ANGPT2: variants seen among roughly 807,000 people sequenced by gnomAD.
ANGPT2 encodes angiopoietin 2, also known as angiopoietin-2.
A neutral mutation model predicts 62.9 loss-of-function variants in ANGPT2; 28 were observed. The observed-to-expected ratio is 0.44, with a 90% confidence interval of 0.33 to 0.61. The LOEUF is 0.61. Ranked by LOEUF, ANGPT2 falls within the 20% of genes least tolerant of loss-of-function variation. The pLI is 0.03. For missense variants in ANGPT2, 727 were observed against 594.9 expected, an observed-to-expected ratio of 1.22 and a Z score of -2.31; for synonymous variants, 284 against 207.8, an observed-to-expected ratio of 1.37 and a Z score of -3.15.
At chr8:6,541,806 C>T (rs1821628106) in intron 1 of ANGPT2, among the ~76,000 whole-genome samples, 1 of 152,078 alleles carries the variant, frequency 6.6e-6, no homozygotes, top group African/African-American at 2.4e-5. Flanking sequence ...CAGTTCAAGA[C>T]CAGCCTAGGC....
chr8:6,561,205 C>A (rs1372670643), intron 1 of ANGPT2, among the ~76,000 whole-genome samples: 1 of 152,178 alleles, frequency 6.6e-6, no homozygotes. Context: ...CCACAGTGAC[C>A]TGGGAAAGGA....
chr8:6,556,071 G>A (rs576260385), intron 1 of ANGPT2, among the ~76,000 whole-genome samples: 2 of 152,234 alleles, frequency 1.3e-5, no homozygotes, highest in East Asian at 1.9e-4. Flanking sequence ...TCTCAAGATC[G>A]ATGTCCCAGT....
chr8:6,506,635 G>A (rs781594757), intron 8 of ANGPT2, among the ~76,000 whole-genome samples: 1 of 152,120 alleles, frequency 6.6e-6, no homozygotes, highest in African/African-American at 2.4e-5. Context: ...CTTTAAAAAG[G>A]ATGATTGTGC....
chr8:6,513,754 G>T lies in ANGPT2; in HGVS notation c.1120C>A (p.Leu374Ile). 1 of 1,613,926 alleles carries T rather than the reference G, an allele frequency of 6.2e-7. No homozygotes were observed. Among genetic ancestry groups the T allele is most frequent in the Non-Finnish European group, 8.5e-7 (1 of 1,179,922 alleles). Residue 374 changes from leucine to isoleucine, a missense_variant, in exon 7 of 9, where the codon CTT becomes ATT. Coordinates refer to ENST00000629816, the MANE Select transcript of ANGPT2 (RefSeq NM_001118887.2). ...NQQRYVLKIH[L>I]KDWEGNEAYS... is the part of the protein sequence containing the mutation. ...GCCTCATTCCCTTCCCAGTCTTTAAGGTGTATTTTAAGCACATAGCGTTGC... is the reference window on the plus strand; with the variant it reads ...GCCTCATTCCCTTCCCAGTCTTTAATGTGTATTTTAAGCACATAGCGTTGC...
intron 8 of ANGPT2, among the ~76,000 whole-genome samples, chr8:6,506,342 A>T (rs1291729125): frequency 6.6e-6 from 1 of 152,106 alleles, no homozygotes; most frequent in African/African-American, 2.4e-5. Flanking sequence ...TTCACAGGCA[A>T]GACCACTCCA....
At position 6,502,578 on chromosome 8, in the gene ANGPT2, C is replaced by G. The variant is rs1812406459; in HGVS notation, c.*523G>C. On this transcript the variant is annotated 3_prime_UTR_variant, in exon 9 of 9. Transcript: ENST00000629816. The stretch of plus-strand genomic sequence containing the variant: ...AACTGTTTTTCCAAATATTAAACTT[C>G]TAGTAACCCCTTCTCAGAATATCCC... 6.6e-6 allele frequency: 1 copy of G among 152,300 alleles called. No homozygotes were observed. Among genetic ancestry groups the G allele is most frequent in the Non-Finnish European group, 1.5e-5 (1 of 68,094 alleles). 9.4% of individuals were successfully genotyped at this position (152,300 alleles called of 1,614,324 possible). A position where few individuals can be genotyped will look rare whatever the true frequency, so the allele number is the denominator to read the frequency against.
At chr8:6,514,918 C>A in intron 5 of ANGPT2, 140 bp from the exon 6 acceptor site, 3 of 621,894 alleles carry the variant, frequency 4.8e-6, no homozygotes, top group Non-Finnish European at 8.6e-6. Flanking sequence ...AGTAGACCAT[C>A]GGGGTTGTCT....
At position 6,499,988 on chromosome 8, in the gene ANGPT2, A is replaced by G. The variant is rs548121577; in HGVS notation, c.*3113T>C. 2.8e-6 allele frequency: 4 copies of G among 1,441,088 alleles called. No individual in the cohort carries two copies. In the African/African-American group the frequency reaches 5.6e-5, roughly 20 times the overall value. The allele number at this position is 1,441,088 out of a possible 1,614,324, so 89.3% of individuals were successfully genotyped here. On this transcript the variant is annotated 3_prime_UTR_variant, in exon 9 of 9. Transcript: ENST00000629816. ...AGTTTGCTGTTCTCAAGAAATTATT[A>G]TAAACATAAGGGTGGACTTAAGTTT... is the stretch of plus-strand genomic sequence containing the variant.
At chr8:6,514,176 T>G (rs887180954) in intron 6 of ANGPT2, among the ~76,000 whole-genome samples, 1 of 152,172 alleles carries the variant, frequency 6.6e-6, no homozygotes, top group African/African-American at 2.4e-5. Context: ...AGTCCACCTT[T>G]AAAAATAAGC....
intron 1 of ANGPT2, among the ~76,000 whole-genome samples, chr8:6,538,412 G>T (rs1391575736): frequency 6.6e-6 from 1 of 152,168 alleles, no homozygotes; most frequent in Non-Finnish European, 1.5e-5. Flanking sequence ...GAATCCACAT[G>T]CAAAGCTGGT....
chr8:6,520,601 G>C (rs997842177), intron 4 of ANGPT2, among the ~76,000 whole-genome samples: 1 of 152,104 alleles, frequency 6.6e-6, no homozygotes, highest in South Asian at 2.1e-4. Flanking sequence ...TCACCATGTT[G>C]GCCACGCTGG....
chr8:6,508,914 A>T lies in ANGPT2; in HGVS notation c.1327+18T>A. On this transcript the variant is annotated intron_variant, in intron 8 of 8. Coordinates refer to ENST00000629816, the MANE Select transcript of ANGPT2 (RefSeq NM_001118887.2). ...ATTCCTTGCCAATACAAATAGGAAG[A>T]CAGAAAGTCATCCCTACCTCCTGTT... 1.2e-6 allele frequency: 2 copies of T among 1,614,086 alleles called. No homozygotes were observed. The highest frequency in any genetic ancestry group is 1.7e-6 in the Non-Finnish European group (2 of 1,180,024).
In ANGPT2 at chr8:6,500,307, A is replaced by T. The variant is rs771768842; in HGVS notation, c.*2794T>A. ...GATTATGGCTTGCTGGTGCTGTGAT[A>T]ACAGTATTTATATTTTTATGGCTTT... On this transcript the variant is annotated 3_prime_UTR_variant, in exon 9 of 9. Coordinates refer to ENST00000629816, the MANE Select transcript of ANGPT2 (RefSeq NM_001118887.2). 5.3e-6 allele frequency: 1 copy of T among 187,214 alleles called. No individual in the cohort carries two copies. Among genetic ancestry groups the T allele is most frequent in the African/African-American group, 2.4e-5 (1 of 42,362 alleles). The allele number at this position is 187,214 out of a possible 1,614,324, so 11.6% of individuals were successfully genotyped here.
At chr8:6,553,988 CAT>C (rs1824142806) in intron 1 of ANGPT2, among the ~76,000 whole-genome samples, 2 of 152,032 alleles carry the variant, frequency 1.3e-5, no homozygotes, top group East Asian at 1.9e-4. Context: ...CTGTTAGTGA[CAT>C]AGAGAGACGA....
chr8:6,519,625 C>T (rs1339747002), intron 5 of ANGPT2, among the ~76,000 whole-genome samples: 2 of 152,088 alleles, frequency 1.3e-5, no homozygotes, highest in East Asian at 1.9e-4. Context: ...TATTTCTTGC[C>T]GAAGATAAGA....
chr8:6,508,880 T>C (rs774458437), intron 8 of ANGPT2, 52 bp downstream of exon 8: 68 of 1,612,890 alleles, frequency 4.2e-5, no homozygotes, highest in Non-Finnish European at 5.1e-5. Flanking sequence ...CCTTTCCCTC[T>C]ATGAAATCAT....
At chr8:6,558,112 A>G (rs1465100428) in intron 1 of ANGPT2, among the ~76,000 whole-genome samples, 2 of 152,062 alleles carry the variant, frequency 1.3e-5, no homozygotes, top group Non-Finnish European at 2.9e-5. Context: ...ACCTCTCGTC[A>G]TGTCATTTTT....
At chr8:6,546,224 C>G (rs1167555758) in intron 1 of ANGPT2, among the ~76,000 whole-genome samples, 7 of 152,214 alleles carry the variant, frequency 4.6e-5, no homozygotes, top group African/African-American at 1.7e-4. Flanking sequence ...TTGCAGCAAA[C>G]AAATTGGAGT....
Position 6,562,822 on chromosome 8 carries a change from T to C in ANGPT2, c.113A>G (p.His38Arg). ...SIGKKQYQVQ[H>R]GSCSYTFLLP... ...GAGGAAAGTGTAGCTGCAGGACCCA[T>C]GCTGGACCTGATATTGCTTCTTTCC... The change falls in exon 1 of 9, where the codon CAT becomes CGT. Residue 38 changes from histidine to arginine, a missense_variant. Transcript: ENST00000629816. 6.2e-7 allele frequency: 1 copy of C among 1,613,652 alleles called. No homozygotes were observed. The highest frequency in any genetic ancestry group is 2.2e-5 in the East Asian group (1 of 44,854).
Sources: allele counts gnomAD v4.1 joint callset (sites outside exome capture counted in the v4.1 genomes callset), GRCh38; gene constraint gnomAD v4.1.1; transcripts MANE v1.5; gene names NCBI Gene and HGNC (gene_info 2026-07-23, HGNC 2026-07-21).